GRIK2: variants seen among roughly 807,000 people sequenced by gnomAD.
The protein encoded by GRIK2 is glutamate receptor ionotropic, kainate 2.
In GRIK2, 32 loss-of-function variants were observed where a neutral mutation model predicts 100.3. The ratio of observed to expected loss-of-function variants is 0.32; its 90% CI spans 0.24 to 0.43. The LOEUF is 0.43. Among genes scored for constraint, GRIK2 ranks in the 20% least tolerant of loss-of-function variants. GRIK2 has a pLI of 1.00. For synonymous variants in GRIK2, 417 were observed against 389.4 expected, an observed-to-expected ratio of 1.07 and a Z score of -0.83; for missense variants, 843 against 1,114.9, an observed-to-expected ratio of 0.76 and a Z score of 3.47.
intron 14 of GRIK2, among the ~76,000 whole-genome samples, chr6:102,001,185 ATTTT>A (rs66913053): frequency 7.0e-6 from 1 of 142,648 alleles, no homozygotes; most frequent in Admixed American, 7.0e-5. Flanking sequence ...CTTCTTCTTT[ATTTT>A]TTTTTTTTTT....
chr6:101,958,253 T>TTCTGTG (rs150156844), intron 14 of GRIK2, among the ~76,000 whole-genome samples: 61 of 139,532 alleles, frequency 4.4e-4, no homozygotes, highest in South Asian at 1.4e-3. Flanking sequence ...TGCTACATAT[T>TTCTGTG]TGTGTGTGTG....
intron 7 of GRIK2, among the ~76,000 whole-genome samples, chr6:101,697,087 C>T (rs540392532): frequency 4.0e-5 from 6 of 151,874 alleles, no homozygotes; most frequent in Admixed American, 1.3e-4. Flanking sequence ...GAGCCTCACT[C>T]GTCAAATAGA....
chr6:101,554,367 G>T (rs1178363963), intron 2 of GRIK2, among the ~76,000 whole-genome samples: 1 of 152,024 alleles, frequency 6.6e-6, no homozygotes, highest in Non-Finnish European at 1.5e-5. Flanking sequence ...TGACTAAAGT[G>T]ACTTTTTGTT....
intron 2 of GRIK2, among the ~76,000 whole-genome samples, chr6:101,491,539 C>G (rs948571674): frequency 3.3e-5 from 5 of 151,948 alleles, no homozygotes; most frequent in Non-Finnish European, 7.4e-5. Flanking sequence ...TAATGAATGC[C>G]TGCATACTTA....
intron 7 of GRIK2, chr6:101,745,129 A>C (rs1179631617): frequency 6.6e-6 from 1 of 152,208 alleles, no homozygotes; most frequent in African/African-American, 2.4e-5. Flanking sequence ...AATAAACAAC[A>C]TGATCTTAAC....
intron 12 of GRIK2, among the ~76,000 whole-genome samples, chr6:101,897,625 C>T (rs1256412224): frequency 1.3e-5 from 2 of 151,596 alleles, no homozygotes; most frequent in Admixed American, 6.6e-5. Flanking sequence ...TATTTTAATC[C>T]ACAATGTCTA....
At chr6:101,643,243 A>G (rs997477246) in intron 4 of GRIK2, among the ~76,000 whole-genome samples, 2 of 151,182 alleles carry the variant, frequency 1.3e-5, no homozygotes, top group South Asian at 4.2e-4. Context: ...GTTTATTTTT[A>G]CTTTTTTTAA....
At chr6:101,731,413 G>A (rs1009448749) in intron 7 of GRIK2, among the ~76,000 whole-genome samples, 4 of 151,934 alleles carry the variant, frequency 2.6e-5, no homozygotes, top group Admixed American at 6.6e-5. Flanking sequence ...AGGTAAATGC[G>A]ATTATACAAT....
intron 12 of GRIK2, among the ~76,000 whole-genome samples, chr6:101,905,026 CAAG>C (rs1012875560): frequency 1.3e-5 from 2 of 151,384 alleles, no homozygotes; most frequent in African/African-American, 4.8e-5. Flanking sequence ...ACATGTTAGA[CAAG>C]AAATGACAAT....
chr6:102,004,446 T>A (rs895429420), intron 14 of GRIK2, among the ~76,000 whole-genome samples: 3 of 151,892 alleles, frequency 2.0e-5, no homozygotes, highest in African/African-American at 7.2e-5. Flanking sequence ...ACTGCTTTTA[T>A]GATCTGGTCT....
chr6:101,825,735 G>T (rs1024632597), intron 10 of GRIK2, among the ~76,000 whole-genome samples: 1 of 151,912 alleles, frequency 6.6e-6, no homozygotes, highest in African/African-American at 2.4e-5. Context: ...ATTAAGTTTT[G>T]TATAAAAGAA....
intron 4 of GRIK2, among the ~76,000 whole-genome samples, chr6:101,676,288 A>C (rs1770835021): frequency 6.6e-6 from 1 of 152,250 alleles, no homozygotes; most frequent in African/African-American, 2.4e-5. Context: ...ATTTATATTA[A>C]CTTTTAGTCA....
chr6:101,690,492 A>G (rs2251726), intron 7 of GRIK2, among the ~76,000 whole-genome samples: 130,725 of 152,066 alleles, frequency 0.86, 56,296 homozygotes, highest in Middle Eastern at 0.89. Flanking sequence ...AGTTATGATC[A>G]TTCCCTGGCT....
intron 7 of GRIK2, among the ~76,000 whole-genome samples, chr6:101,749,427 A>G (rs1199651051): frequency 6.6e-6 from 1 of 152,070 alleles, no homozygotes; most frequent in Admixed American, 6.5e-5. Flanking sequence ...TATTTTTGCT[A>G]AGCAGAATTT....
chr6:101,468,954 T>C (rs543874428), intron 2 of GRIK2, among the ~76,000 whole-genome samples: 7 of 152,230 alleles, frequency 4.6e-5, no homozygotes, highest in South Asian at 2.1e-4. Flanking sequence ...GACCCAAAGG[T>C]TGAAAAATGA....
chr6:101,924,279 A>C (rs1204480376), intron 12 of GRIK2, among the ~76,000 whole-genome samples: 4 of 152,080 alleles, frequency 2.6e-5, no homozygotes, highest in African/African-American at 9.7e-5. Context: ...ATGACTTTCT[A>C]GCTTTCAAAT....
intron 7 of GRIK2, among the ~76,000 whole-genome samples, chr6:101,726,542 A>C (rs1047406433): frequency 6.6e-6 from 1 of 152,010 alleles, no homozygotes; most frequent in Non-Finnish European, 1.5e-5. Flanking sequence ...TAGGAACTAA[A>C]CCTATGACAG....
At chr6:101,531,520 C>T (rs970696262) in intron 2 of GRIK2, among the ~76,000 whole-genome samples, 1 of 151,862 alleles carries the variant, frequency 6.6e-6, no homozygotes, top group Non-Finnish European at 1.5e-5. Flanking sequence ...TGTATAATTA[C>T]AATAGAACCT....
At chr6:101,706,077 A>C (rs1773274855) in intron 7 of GRIK2, among the ~76,000 whole-genome samples, 3 of 151,860 alleles carry the variant, frequency 2.0e-5, no homozygotes, top group African/African-American at 7.2e-5. Context: ...AAATCAGTGA[A>C]TGTGCTTCAG....
Sources: gnomAD v4.1 joint callset for allele counts (sites outside exome capture counted in the v4.1 genomes callset) on GRCh38, gnomAD v4.1.1 for gene constraint, MANE v1.5 for transcripts, NCBI Gene and HGNC (gene_info 2026-07-23, HGNC 2026-07-21) for gene names.